MTCH2: variants seen among roughly 807,000 people sequenced by gnomAD.
MTCH2 encodes mitochondrial carrier 2, also known as mitochondrial carrier homolog 2.
Under a neutral mutation model 50.6 loss-of-function variants are expected in MTCH2, and 25 were observed. The observed-to-expected ratio is 0.49, with a 90% CI of 0.36 to 0.69. The LOEUF (loss-of-function observed/expected upper bound fraction) is 0.69, where lower values mean the gene tolerates loss of function less well. Ranked by LOEUF, MTCH2 falls within the 30% of genes least tolerant of loss-of-function variation. The probability of loss-of-function intolerance (pLI) is 0.00; values close to 1 mark genes in which losing one functional copy is unlikely to be tolerated. For missense variants in MTCH2, 273 were observed against 384.4 expected, an observed-to-expected ratio of 0.71 and a Z score of 2.42; for synonymous variants, 106 against 132.0, an observed-to-expected ratio of 0.80 and a Z score of 1.35.
intron 9 of MTCH2, among the ~76,000 whole-genome samples, chr11:47,628,177 G>A (rs767843837): frequency 3.3e-5 from 5 of 152,094 alleles, no homozygotes; most frequent in Non-Finnish European, 7.4e-5. Context: ...CATACAAGAG[G>A]CCCCACAACT....
Position 47,631,100 on chromosome 11 carries a change from G to A in MTCH2, c.428-13C>T, listed in dbSNP as rs1432582373. 1.2e-6 allele frequency: 2 copies of A among 1,609,690 alleles called. No homozygotes were observed. Among genetic ancestry groups the A allele is most frequent in the East Asian group, 2.2e-5 (1 of 44,844 alleles). ...CTCAGAGTGATCACTGTGGAATATA[G>A]AGAAAAGATGTTTACAACTATGTTA... On this transcript the variant is annotated splice_polypyrimidine_tract_variant and intron_variant, in intron 6 of 12. Coordinates refer to ENST00000302503, the MANE Select transcript of MTCH2 (RefSeq NM_014342.4).
At chr11:47,607,070 G>T in the MTCH2 span, among the ~76,000 whole-genome samples, 1 of 152,186 alleles carries the variant, frequency 6.6e-6, no homozygotes, top group East Asian at 1.9e-4. Context: ...AAGCTTGCAG[G>T]ATGTGGACTC....
At chr11:47,609,194 C>T in the MTCH2 span, among the ~76,000 whole-genome samples, 7 of 150,192 alleles carry the variant, frequency 4.7e-5, no homozygotes, top group African/African-American at 1.7e-4. Context: ...GTGGCTCACG[C>T]TTATAATCCC....
intron 12 of MTCH2, among the ~76,000 whole-genome samples, chr11:47,621,061 AT>A (rs1443830374): frequency 6.6e-6 from 1 of 152,160 alleles, no homozygotes; most frequent in Admixed American, 6.6e-5. Context: ...AGGAAAGGCC[AT>A]TTTTTCCATT....
In MTCH2 at chr11:47,618,815, T is replaced by C. The variant is rs76315325; in HGVS notation, c.*18A>G. The C allele has an allele frequency of 4.4e-6, 5 of 1,129,150 alleles. No homozygotes were observed. The highest frequency in any genetic ancestry group is 3.2e-4 in the Middle Eastern group (1 of 3,172). The allele number at this position is 1,129,150 out of a possible 1,614,324, so 69.9% of individuals were successfully genotyped here. ...GCATCTGGGACTACAGAAATGTCAC[T>C]GTCCCTGCCCCACATCTTCAAATTA... On this transcript the variant is annotated 3_prime_UTR_variant, in exon 13 of 13. Coordinates refer to ENST00000302503, the MANE Select transcript of MTCH2 (RefSeq NM_014342.4).
chr11:47,642,235 C>T, intron 1 of MTCH2, 144 bp downstream of exon 1: 1 of 694,090 alleles, frequency 1.4e-6, no homozygotes, highest in South Asian at 2.2e-5. Flanking sequence ...GAAGCTGTCC[C>T]TGCGGGGAGG....
chr11:47,617,047 G>A (rs2097288848), downstream of MTCH2, among the ~76,000 whole-genome samples: 1 of 152,146 alleles, frequency 6.6e-6, no homozygotes, highest in African/African-American at 2.4e-5. Context: ...AGACTTTTAT[G>A]TTAGTAGCTT....
the MTCH2 span, among the ~76,000 whole-genome samples, chr11:47,610,478 G>T: frequency 6.6e-6 from 1 of 152,282 alleles, no homozygotes. Flanking sequence ...GCCGAGGAGG[G>T]TGGATCACCT....
At chr11:47,628,798 G>A (rs1464096486) in intron 9 of MTCH2, among the ~76,000 whole-genome samples, 155 bp downstream of exon 9, 1 of 152,072 alleles carries the variant, frequency 6.6e-6, no homozygotes, top group Non-Finnish European at 1.5e-5. Context: ...GGCTGGTCTC[G>A]AACTCTTGAT....
chr11:47,629,086 G>T lies in MTCH2; in HGVS notation c.540-40C>A. On this transcript the variant is annotated intron_variant, in intron 8 of 12. Transcript: ENST00000302503. ...AATAAAAATAAGAACCAAAAAATGT[G>T]ATCAGTAACATGACAGGCTCTTCAG... 3 of 1,502,324 alleles carry T rather than the reference G, an allele frequency of 2.0e-6. No homozygotes were observed. In the South Asian group the frequency reaches 3.5e-5, roughly 17 times the overall value. 93.1% of individuals were successfully genotyped at this position (1,502,324 alleles called of 1,614,324 possible). A position where few individuals can be genotyped will look rare whatever the true frequency, so the allele number is the denominator to read the frequency against.
downstream of MTCH2, among the ~76,000 whole-genome samples, chr11:47,616,930 T>C (rs1038804538): frequency 6.6e-6 from 1 of 152,208 alleles, no homozygotes; most frequent in Non-Finnish European, 1.5e-5. Context: ...GTGAACCACC[T>C]GCCTCGGCCT....
Position 47,628,943 on chromosome 11 carries a change from C to A in MTCH2, c.633+10G>T. ...CAAGGTGAGCACATCTCACGAAGGT[C>A]ACAACCTACCCCACTGTCCAGTGCA... On this transcript the variant is annotated intron_variant, in intron 9 of 12. Transcript: ENST00000302503. 1 of 1,611,680 alleles carries A rather than the reference C, an allele frequency of 6.2e-7. No individual in the cohort carries two copies. The highest frequency in any genetic ancestry group is 1.1e-5 in the South Asian group (1 of 90,958).
chr11:47,613,115 C>G (rs541844199), downstream of MTCH2, among the ~76,000 whole-genome samples: 38 of 151,564 alleles, frequency 2.5e-4, no homozygotes, highest in Non-Finnish European at 5.0e-4. Context: ...ACTATGTTGT[C>G]TAGGCTGGTC....
At chr11:47,633,695 CCTGG>C (rs1459834426) in intron 5 of MTCH2, among the ~76,000 whole-genome samples, 3 of 150,704 alleles carry the variant, frequency 2.0e-5, no homozygotes, top group African/African-American at 7.3e-5. Context: ...CGCCACCATG[CCTGG>C]CTAATTTTTG....
Position 47,642,481 on chromosome 11 carries a change from C to G in MTCH2, c.-16G>C. The G allele has an allele frequency of 6.9e-7, 1 of 1,456,700 alleles. No individual in the cohort carries two copies. The highest frequency in any genetic ancestry group is 1.3e-5 in the South Asian group (1 of 78,550). The allele number at this position is 1,456,700 out of a possible 1,614,324, so 90.2% of individuals were successfully genotyped here. Reference sequence around the variant, plus strand: ...CGTCCGCCATGATGGCACCCGCGGGCGGACGGACAGACAGACGGAGCCACC... The same window carrying G: ...CGTCCGCCATGATGGCACCCGCGGGGGGACGGACAGACAGACGGAGCCACC... On this transcript the variant is annotated 5_prime_UTR_variant, in exon 1 of 13. Transcript: ENST00000302503.
In MTCH2 at chr11:47,642,413, G is replaced by A; in HGVS notation, c.53C>T (p.Ser18Phe). 1.2e-6 allele frequency: 2 copies of A among 1,609,892 alleles called. No homozygotes were observed. The highest frequency in any genetic ancestry group is 1.7e-6 in the Non-Finnish European group (2 of 1,178,440). ...VLLGSGLTIL[S>F]QPLMYVKVLI... ...CACTTTCACGTACATGAGCGGCTGGGACAGGATGGTGAGACCGGAGCCCAG... is the reference window on the plus strand; with the variant it reads ...CACTTTCACGTACATGAGCGGCTGGAACAGGATGGTGAGACCGGAGCCCAG... The change falls in exon 1 of 13, where the codon TCC (serine) becomes TTC (phenylalanine). Residue 18 changes from serine to phenylalanine, a missense_variant. This residue lies in a region of MTCH2 where 203 missense variants were observed against 244.3 expected (regional missense o/e 0.83). Transcript: ENST00000302503.
intron 5 of MTCH2, 68 bp from the exon 6 acceptor site, chr11:47,631,779 G>A: frequency 1.3e-6 from 2 of 1,531,530 alleles, no homozygotes; most frequent in Non-Finnish European, 1.8e-6. Flanking sequence ...GAGAAGGAAT[G>A]TGGGTGGATA....
intron 3 of MTCH2, 24 bp downstream of exon 3, chr11:47,638,675 A>G: frequency 6.4e-7 from 1 of 1,563,990 alleles, no homozygotes; most frequent in Non-Finnish European, 8.8e-7. Flanking sequence ...ATCTATGGGA[A>G]GATTGATTTA....
At position 47,630,452 on chromosome 11, in the gene MTCH2, G is replaced by T. The variant is rs150406909; in HGVS notation, c.539+103C>A. On this transcript the variant is annotated intron_variant, in intron 8 of 12. Transcript: ENST00000302503. ...AGAATGTAACGTGAGGTAAGCCCAG[G>T]GAGTACGTTTTCCCCAAGGATTAAA... The T allele has an allele frequency of 2.2e-3, 2,268 of 1,029,798 alleles. 4 individuals carry two copies. The highest frequency in any genetic ancestry group is 1.0e-2 in the Middle Eastern group (49 of 4,906). 63.8% of individuals were successfully genotyped at this position (1,029,798 alleles called of 1,614,324 possible).
Sources: allele counts gnomAD v4.1 joint callset (sites outside exome capture counted in the v4.1 genomes callset), GRCh38; gene constraint gnomAD v4.1.1; regional missense constraint gnomAD v4.1.1; transcripts MANE v1.5; gene names NCBI Gene and HGNC (gene_info 2026-07-23, HGNC 2026-07-21).